The following MAGI1 variants were observed in gnomAD, a reference collection of about 807,000 sequenced individuals.
MAGI1 encodes membrane associated guanylate kinase, WW and PDZ domain containing 1.
In MAGI1, 58 loss-of-function variants were observed where a neutral mutation model predicts 139.9. The observed-to-expected ratio is 0.41, with a 90% confidence interval of 0.34 to 0.52. MAGI1 has a LOEUF of 0.52. MAGI1 is among the 20% of genes least tolerant of loss of function. The probability of loss-of-function intolerance (pLI) is 0.12; values close to 1 mark genes in which losing one functional copy is unlikely to be tolerated. For synonymous variants in MAGI1, 812 were observed against 737.9 expected (o/e 1.10, Z -1.63); for missense variants, 1,874 against 1,901.6 (o/e 0.99, Z 0.27).
intron 1 of MAGI1, among the ~76,000 whole-genome samples, chr3:65,868,073 A>C (rs1220581481): frequency 6.6e-6 from 1 of 152,110 alleles, no homozygotes; most frequent in Admixed American, 6.5e-5. Context: ...GCTGTTCTGG[A>C]AAGTTGGCCC....
chr3:65,983,513 T>C (rs139024944), intron 1 of MAGI1, among the ~76,000 whole-genome samples: 1 of 152,390 alleles, frequency 6.6e-6, no homozygotes, highest in East Asian at 1.9e-4. Context: ...CAATGAGATT[T>C]AGATAGCCTG....
intron 1 of MAGI1, among the ~76,000 whole-genome samples, chr3:65,700,754 T>C (rs1559800464): frequency 6.6e-6 from 1 of 152,134 alleles, no homozygotes; most frequent in Non-Finnish European, 1.5e-5. Context: ...GGATAGAAAA[T>C]GTGAATCTCT....
intron 1 of MAGI1, among the ~76,000 whole-genome samples, chr3:65,838,248 G>A (rs909161827): frequency 2.0e-5 from 3 of 152,120 alleles, no homozygotes; most frequent in Non-Finnish European, 4.4e-5. Context: ...GGAGATGGAG[G>A]TTGCAGTGAG....
intron 1 of MAGI1, among the ~76,000 whole-genome samples, chr3:65,736,755 T>C (rs1294174591): frequency 1.3e-5 from 2 of 152,220 alleles, no homozygotes; most frequent in Admixed American, 6.5e-5. Flanking sequence ...TCCACATTGG[T>C]GATGGCAGAT....
intron 1 of MAGI1, among the ~76,000 whole-genome samples, chr3:65,784,597 C>T (rs937440206): frequency 6.6e-6 from 1 of 152,060 alleles, no homozygotes; most frequent in Non-Finnish European, 1.5e-5. Context: ...CCCAGCTACT[C>T]GGGAGGCTGA....
chr3:65,931,909 T>C (rs937759577), intron 1 of MAGI1, among the ~76,000 whole-genome samples: 6 of 152,154 alleles, frequency 3.9e-5, no homozygotes, highest in African/African-American at 1.2e-4. Flanking sequence ...ATAGAAAAGC[T>C]TGATGACACC....
intron 1 of MAGI1, among the ~76,000 whole-genome samples, chr3:65,712,363 GCAA>G (rs144916600): frequency 0.03 from 4,468 of 149,758 alleles, 230 homozygotes; most frequent in African/African-American, 0.1. Flanking sequence ...AACAATGCCA[GCAA>G]CAACTGCCAG....
intron 1 of MAGI1, among the ~76,000 whole-genome samples, chr3:65,668,544 C>G (rs2086659881): frequency 6.6e-6 from 1 of 150,646 alleles, no homozygotes; most frequent in South Asian, 2.1e-4. Context: ...ATGAACCAGC[C>G]ATTTAGTCCT....
At chr3:65,362,363 AC>A (rs1392937217) in intron 21 of MAGI1, among the ~76,000 whole-genome samples, 1 of 152,214 alleles carries the variant, frequency 6.6e-6, no homozygotes, top group Non-Finnish European at 1.5e-5. Flanking sequence ...AAAGTAATTA[AC>A]TTTTTAAAGT....
intron 18 of MAGI1, among the ~76,000 whole-genome samples, chr3:65,369,669 TG>T (rs1941793346): frequency 1.3e-5 from 2 of 152,188 alleles, no homozygotes; most frequent in Non-Finnish European, 2.9e-5. Context: ...CCACCATGCC[TG>T]GCTAATTTTT....
intron 1 of MAGI1, among the ~76,000 whole-genome samples, chr3:65,899,228 T>C (rs1473802316): frequency 6.6e-6 from 1 of 152,216 alleles, no homozygotes; most frequent in East Asian, 1.9e-4. Context: ...AAAGGTGTTT[T>C]AAGTAATATA....
At chr3:65,891,426 A>G (rs1295852193) in intron 1 of MAGI1, among the ~76,000 whole-genome samples, 1 of 152,104 alleles carries the variant, frequency 6.6e-6, no homozygotes, top group African/African-American at 2.4e-5. Context: ...GACTTAGGTA[A>G]GCACCATCAA....
rs563169694 is a variant in MAGI1 at position 65,998,051 on chromosome 3, C to G, written c.313+39945G>C. Among the ~76,000 whole-genome samples the G allele has an allele frequency of 1.1e-4, 16 of 146,732 alleles. No homozygotes were observed. The East Asian group carries it at 2.0e-3, about 18-fold the overall frequency. On this transcript the variant is annotated intron_variant, in intron 1 of 22. Coordinates refer to ENST00000402939, the MANE Select transcript of MAGI1 (RefSeq NM_001033057.2). ...CCGGGAGGCAGAGGTTGCAGTGAGC[C>G]AAGATTGCGCCATTGCACTCCAGCC...
intron 1 of MAGI1, among the ~76,000 whole-genome samples, chr3:66,000,267 C>T (rs1056816834): frequency 7.2e-5 from 11 of 152,108 alleles, no homozygotes; most frequent in African/African-American, 2.2e-4. Flanking sequence ...CAAGCCACCG[C>T]GCCCAGCCCT....
chr3:65,842,858 T>A (rs2058854730), intron 1 of MAGI1, among the ~76,000 whole-genome samples: 1 of 152,206 alleles, frequency 6.6e-6, no homozygotes, highest in African/African-American at 2.4e-5. Flanking sequence ...TAATCTTCTC[T>A]ACTTACTCTT....
At position 65,379,488 on chromosome 3, in the gene MAGI1, G is replaced by A. The variant is rs1185103504; in HGVS notation, c.2768C>T (p.Ser923Leu). The A allele has an allele frequency of 1.2e-6, 2 of 1,613,834 alleles. No homozygotes were observed. The highest frequency in any genetic ancestry group is 1.7e-5 in the Admixed American group (1 of 59,978). ...CGGAGTGCGCTTCTCTTCTGTCAGC[G>A]AGGCCGGCTGGTTGCTACTGTGATG... ...SSHHSSNQPASLTEEKRTPQG... is the reference protein window; with the variant it reads ...SSHHSSNQPALLTEEKRTPQG... The change falls in exon 17 of 23, where the codon TCG (serine) becomes TTG (leucine). Residue 923 changes from serine (S) to leucine (L), a missense_variant. Physicochemically the swap from Ser to Leu is moderately radical, Grantham distance 145 (BLOSUM62 -2). Around this residue, in one of 5 missense-constraint regions of MAGI1, gnomAD observed 482 missense variants for 509.6 expected, o/e 0.95. Transcript: ENST00000402939.
intron 2 of MAGI1, among the ~76,000 whole-genome samples, chr3:65,589,971 T>A (rs965755338): frequency 1.6e-4 from 25 of 152,122 alleles, no homozygotes; most frequent in African/African-American, 6.0e-4. Context: ...ACTCTTAAAA[T>A]TGCACACTCA....
intron 1 of MAGI1, among the ~76,000 whole-genome samples, chr3:65,912,115 G>A (rs1205372094): frequency 3.3e-5 from 5 of 151,980 alleles, no homozygotes; most frequent in Admixed American, 2.0e-4. Context: ...GTCATCTCTC[G>A]AGTCTAGATA....
chr3:65,635,080 A>C (rs542875656), intron 1 of MAGI1, among the ~76,000 whole-genome samples: 1 of 147,288 alleles, frequency 6.8e-6, no homozygotes, highest in East Asian at 1.9e-4. Flanking sequence ...AAAAAGTAAA[A>C]TAAAATATAT....
Sources: allele counts gnomAD v4.1 joint callset (sites outside exome capture counted in the v4.1 genomes callset), GRCh38; gene constraint gnomAD v4.1.1; regional missense constraint gnomAD v4.1.1; transcripts MANE v1.5; gene names NCBI Gene and HGNC (gene_info 2026-07-23, HGNC 2026-07-21).